CHM: variants seen among roughly 807,000 people sequenced by gnomAD.
The protein encoded by CHM is rab proteins geranylgeranyltransferase component A 1.
In CHM, 10 loss-of-function variants were observed where a neutral mutation model predicts 49.0. The ratio of observed to expected loss-of-function variants is 0.20; its 90% CI spans 0.13 to 0.35. The LOEUF is 0.35. Among genes scored for constraint, CHM ranks in the 10% least tolerant of loss-of-function variants. The pLI is 1.00. For synonymous variants in CHM, 184 were observed against 167.5 expected, an observed-to-expected ratio of 1.10 and a Z score of -0.76; for missense variants, 455 against 478.4, an observed-to-expected ratio of 0.95 and a Z score of 0.46.
At chrX:86,017,097 T>A (rs932795321) in intron 2 of CHM, among the ~76,000 whole-genome samples, 1 of 112,433 alleles carries the variant, frequency 8.9e-6, no homozygotes, top group African/African-American at 3.2e-5. Context: ...TTTCTCCCAT[T>A]TGGAATGGCT....
intron 3 of CHM, among the ~76,000 whole-genome samples, chrX:85,980,341 CT>C (rs2147709106): frequency 8.9e-6 from 1 of 112,053 alleles, no homozygotes; most frequent in Admixed American, 9.5e-5. Context: ...CTTATTTACT[CT>C]CTTGACTTAC....
Position 85,935,318 on chromosome X carries a change from A to G in CHM, c.1166+20835T>C, listed in dbSNP as rs975416682. ...CACCCCCATGTCCCTAACACTTCCC[A>G]CTAGGTCCCAACTCCAACACTGGGG... On this transcript the variant is annotated intron_variant, in intron 8 of 14. Coordinates refer to ENST00000357749, the MANE Select transcript of CHM (RefSeq NM_000390.4). 2.7e-5 allele frequency among the ~76,000 whole-genome samples: 3 copies of G among 111,597 alleles called. No individual in the cohort carries two copies. The Admixed American group carries it at 2.9e-4, about 11-fold the overall frequency.
At chrX:86,030,086 G>A (rs1235265045) in intron 1 of CHM, among the ~76,000 whole-genome samples, 1 of 112,081 alleles carries the variant, frequency 8.9e-6, no homozygotes, top group East Asian at 2.8e-4. Context: ...CTTACTTAGG[G>A]TAGGCAGTTA....
chrX:85,995,879 GA>G (rs911365905), intron 2 of CHM, among the ~76,000 whole-genome samples: 1 of 111,141 alleles, frequency 9.0e-6, no homozygotes, highest in Non-Finnish European at 1.9e-5. Context: ...CAACATGGGG[GA>G]AAAAGGAAAG....
intron 1 of CHM, among the ~76,000 whole-genome samples, chrX:86,032,140 G>A (rs1052727680): frequency 8.9e-6 from 1 of 111,959 alleles, no homozygotes; most frequent in Non-Finnish European, 1.9e-5. Flanking sequence ...ATATATTTGT[G>A]AGGCATTTAG....
intron 4 of CHM, among the ~76,000 whole-genome samples, chrX:85,976,708 A>C (rs1351848374): frequency 9.0e-6 from 1 of 111,158 alleles, no homozygotes; most frequent in African/African-American, 3.3e-5. Context: ...CGTTTCATTA[A>C]TGGCAAAACA....
At chrX:85,869,225 A>C (rs73504269) in intron 14 of CHM, among the ~76,000 whole-genome samples, 2,183 of 111,967 alleles carry the variant, frequency 0.019, 46 homozygotes, top group African/African-American at 0.067. Flanking sequence ...TGATTCCTCC[A>C]GGATGACAAA....
chrX:85,936,162 A>G (rs1928768581), intron 8 of CHM, among the ~76,000 whole-genome samples: 1 of 111,940 alleles, frequency 8.9e-6, no homozygotes, highest in African/African-American at 3.2e-5. Context: ...TAAAGCAAAT[A>G]CATCTATCAA....
chrX:85,970,834 A>T, intron 4 of CHM: 1 of 429,925 alleles, frequency 2.3e-6, no homozygotes, highest in Non-Finnish European at 2.9e-6. Context: ...GTAAGGAAGA[A>T]TCAGGAAAAC....
At chrX:85,969,343 A>T in intron 4 of CHM, 1 of 742,419 alleles carries the variant, frequency 1.3e-6, no homozygotes, top group South Asian at 6.8e-5. Flanking sequence ...TTTACCTAAG[A>T]ATAACTTGAG....
chrX:85,977,001 T>G (rs1251884011), intron 4 of CHM, among the ~76,000 whole-genome samples: 1 of 111,451 alleles, frequency 9.0e-6, no homozygotes, highest in Non-Finnish European at 1.9e-5. Context: ...CTGTATAATG[T>G]AAAACTTTGT....
intron 8 of CHM, among the ~76,000 whole-genome samples, chrX:85,948,508 T>C (rs1215448068): frequency 1.8e-5 from 2 of 112,244 alleles, no homozygotes; most frequent in African/African-American, 6.5e-5. Flanking sequence ...CCTATTTAAA[T>C]TGATAAAAGC....
intron 8 of CHM, among the ~76,000 whole-genome samples, chrX:85,936,745 T>C (rs1928803663): frequency 8.9e-6 from 1 of 111,825 alleles, no homozygotes; most frequent in South Asian, 3.7e-4. Context: ...AAAAACAAAT[T>C]TACACTGGGG....
chrX:85,894,794 G>A (rs544085947), intron 11 of CHM, among the ~76,000 whole-genome samples: 3 of 111,729 alleles, frequency 2.7e-5, no homozygotes, highest in Non-Finnish European at 5.6e-5. Flanking sequence ...TGACTTCTTA[G>A]TTCTGAAATA....
intron 8 of CHM, among the ~76,000 whole-genome samples, chrX:85,913,026 A>AG (rs1927140035): frequency 1.7e-5 from 1 of 59,709 alleles, no homozygotes; most frequent in East Asian, 3.9e-4. Flanking sequence ...AAAAAAAAAA[A>AG]AAAAAAAAAA....
At chrX:85,918,971 C>T (rs1370109007) in intron 8 of CHM, among the ~76,000 whole-genome samples, 1 of 111,240 alleles carries the variant, frequency 9.0e-6, no homozygotes, top group Non-Finnish European at 1.9e-5. Context: ...ATTACTGAGG[C>T]AGAAAAATAA....
At chrX:86,009,342 A>C (rs906875601) in intron 2 of CHM, among the ~76,000 whole-genome samples, 3 of 112,333 alleles carry the variant, frequency 2.7e-5, no homozygotes, top group African/African-American at 9.7e-5. Context: ...GTCATATACT[A>C]TTATATTGAG....
chrX:85,947,647 C>G (rs1929488707), intron 8 of CHM, among the ~76,000 whole-genome samples: 1 of 111,563 alleles, frequency 9.0e-6, no homozygotes, highest in South Asian at 3.8e-4. Flanking sequence ...TGGCCTACTA[C>G]ACACAGCAAT....
rs753991568 is a variant in CHM at position 85,894,260 on chromosome X, C to T, written c.1438G>A (p.Glu480Lys). Residue 480 changes from glutamate (E) to lysine (K), a missense_variant, in exon 12 of 15, where the codon GAG becomes AAG. Coordinates refer to ENST00000357749, the MANE Select transcript of CHM (RefSeq NM_000390.4). Reference sequence around the variant, plus strand: ...CGAACAGCAAAAGTTCCTGGTTCCTCTGCTGGCACTGTCAAAATGGAAATC... The same window carrying T: ...CGAACAGCAAAAGTTCCTGGTTCCTTTGCTGGCACTGTCAAAATGGAAATC... ...QQISILTVPA[E>K]EPGTFAVRVI... 1 of 1,208,620 alleles carries T rather than the reference C, an allele frequency of 8.3e-7. No homozygotes were observed. Among genetic ancestry groups the T allele is most frequent in the Admixed American group, 2.2e-5 (1 of 45,963 alleles).
Sources: gnomAD v4.1 joint callset for allele counts (sites outside exome capture counted in the v4.1 genomes callset) on GRCh38, gnomAD v4.1.1 for gene constraint, MANE v1.5 for transcripts, NCBI Gene and HGNC (gene_info 2026-07-23, HGNC 2026-07-21) for gene names.